Variants in XRCC1 observed in about 807,000 individuals in gnomAD.
XRCC1 encodes DNA repair protein XRCC1.
In XRCC1, 52 loss-of-function variants were observed where a neutral mutation model predicts 83.3. The ratio of observed to expected loss-of-function variants is 0.62; its 90% CI spans 0.50 to 0.79. The LOEUF (loss-of-function observed/expected upper bound fraction) is 0.79. Among genes scored for constraint, XRCC1 ranks in the 30% least tolerant of loss-of-function variants. The pLI is 0.00. For synonymous variants in XRCC1, 281 were observed against 312.6 expected (o/e 0.90, Z 1.07); for missense variants, 793 against 823.5 (o/e 0.96, Z 0.45).
chr19:43,563,267 G>A (rs568170110), intron 2 of XRCC1, among the ~76,000 whole-genome samples: 3 of 152,266 alleles, frequency 2.0e-5, no homozygotes, highest in East Asian at 1.9e-4. Context: ...CAGGTGAATC[G>A]CTTGAGGTCA....
At chr19:43,564,990 G>A (rs1051211760) in intron 2 of XRCC1, among the ~76,000 whole-genome samples, 1 of 151,956 alleles carries the variant, frequency 6.6e-6, no homozygotes, top group Non-Finnish European at 1.5e-5. Flanking sequence ...TCCCTTCCTC[G>A]TCTTCAAAGC....
intron 2 of XRCC1, among the ~76,000 whole-genome samples, chr19:43,570,852 G>A (rs1972801105): frequency 6.6e-6 from 1 of 152,184 alleles, no homozygotes; most frequent in African/African-American, 2.4e-5. Flanking sequence ...GCCTTTATCA[G>A]TTACGTCAAA....
chr19:43,545,121 G>C (rs1193187625), intron 14 of XRCC1, among the ~76,000 whole-genome samples: 3 of 152,018 alleles, frequency 2.0e-5, no homozygotes, highest in African/African-American at 7.3e-5. Flanking sequence ...GCCACTTTAG[G>C]GGCTTGGGAG....
In XRCC1 at chr19:43,565,807, C is replaced by T. The variant is rs3213297; in HGVS notation, c.145-4787G>A. 2.0e-3 allele frequency among the ~76,000 whole-genome samples: 297 copies of T among 151,888 alleles called. 2 individuals are homozygous for T. Among genetic ancestry groups the T allele is most frequent in the African/African-American group, 6.5e-3 (270 of 41,382 alleles). On this transcript the variant is annotated intron_variant, in intron 2 of 16. Transcript: ENST00000262887. ...AAAAAGTTAGCTGGGTGTGGTGACACGCACCTCAATAATCCCAGCTACTCA... is the reference window on the plus strand; with the variant it reads ...AAAAAGTTAGCTGGGTGTGGTGACATGCACCTCAATAATCCCAGCTACTCA...
chr19:43,546,966 G>A lies in XRCC1; in HGVS notation c.1211C>T (p.Ala404Val), dbSNP rs949812377. The change falls in exon 11 of 17, where the codon GCA (alanine) becomes GTA (valine). Residue 404 changes from alanine to valine, a missense_variant. Coordinates refer to ENST00000262887, the MANE Select transcript of XRCC1 (RefSeq NM_006297.3). ...CTCCTCACTGCTGGAACCTGGCCCT[G>A]CCATGAGGTACCTAGGGGACAAATC... ...RRLPSQRYLM[A>V]GPGSSSEEDE... is the part of the protein sequence containing the mutation. 1.1e-5 allele frequency: 17 copies of A among 1,613,912 alleles called. No individual in the cohort carries two copies. Among genetic ancestry groups the A allele is most frequent in the Non-Finnish European group, 1.4e-5 (17 of 1,179,984 alleles).
rs138284081 is a variant in XRCC1, at chr19:43,554,699, C to T, written c.361G>A (p.Ala121Thr). ...FGPDKLVRAA[A>T]EKRWDRVKIV... ...TTGACCCGGTCCCAGCGCTTCTCGGCGGCTGCCCGGACCAGCTTGTCAGGC... is the reference window on the plus strand; with the variant it reads ...TTGACCCGGTCCCAGCGCTTCTCGGTGGCTGCCCGGACCAGCTTGTCAGGC... Residue 121 changes from alanine (A) to threonine (T), a missense_variant, in exon 4 of 17, where the codon GCC becomes ACC. Physicochemically the swap from Ala to Thr is moderately conservative, Grantham distance 58. Transcript: ENST00000262887. 1.4e-4 allele frequency: 226 copies of T among 1,613,940 alleles called. 2 individuals carry two copies. The African/African-American group carries it at 1.5e-3, about 11-fold the overall frequency.
At chr19:43,558,326 C>T (rs1023297304) in intron 3 of XRCC1, among the ~76,000 whole-genome samples, 1 of 92,502 alleles carries the variant, frequency 1.1e-5, no homozygotes, top group Admixed American at 1.4e-4. Flanking sequence ...CAAAGTGAGA[C>T]CTCGTTTCAA....
chr19:43,564,806 A>C lies in XRCC1; in HGVS notation c.145-3786T>G, dbSNP rs10404317. On this transcript the variant is annotated intron_variant, in intron 2 of 16. Coordinates refer to ENST00000262887, the MANE Select transcript of XRCC1 (RefSeq NM_006297.3). The stretch of plus-strand genomic sequence containing the variant: ...TCCGTCTCAAAAAAACAAAAAAAAA[A>C]CACACAAATTTAATATCTTACAGAT... Among the ~76,000 whole-genome samples the C allele has an allele frequency of 2.5e-3, 371 of 147,574 alleles. 3 individuals are homozygous for C. Among genetic ancestry groups the C allele is most frequent in the African/African-American group, 8.7e-3 (351 of 40,564 alleles).
At chr19:43,563,472 G>A (rs539753328) in intron 2 of XRCC1, among the ~76,000 whole-genome samples, 10 of 152,238 alleles carry the variant, frequency 6.6e-5, no homozygotes, top group Admixed American at 1.3e-4. Flanking sequence ...CAGCTTGGGC[G>A]ATGGAGTGAG....
Position 43,553,465 on chromosome 19 carries a change from ATCC to A in XRCC1, c.534_536del (p.Glu178del), listed in dbSNP as rs769717355. ...CCGGCCTCAGAGAGTTGGCGCTCTCATCCTCCTCCTTCACACGGAACTGGCCAA... is the reference window on the plus strand; with the variant it reads ...CCGGCCTCAGAGAGTTGGCGCTCTCATCCTCCTTCACACGGAACTGGCCAA... On this transcript the variant is annotated inframe_deletion, in exon 6 of 17. Coordinates refer to ENST00000262887, the MANE Select transcript of XRCC1 (RefSeq NM_006297.3). 4.3e-6 allele frequency: 7 copies of A among 1,614,044 alleles called. No homozygotes were observed. The highest frequency in any genetic ancestry group is 5.9e-6 in the Non-Finnish European group (7 of 1,180,026).
At chr19:43,573,323 C>G (rs964598058) in intron 2 of XRCC1, among the ~76,000 whole-genome samples, 1 of 152,114 alleles carries the variant, frequency 6.6e-6, no homozygotes, top group African/African-American at 2.4e-5. Context: ...TTAGCAGTAA[C>G]CTGGCAAATG....
At chr19:43,573,923 C>A (rs113261122) in intron 2 of XRCC1, among the ~76,000 whole-genome samples, 17 of 152,228 alleles carry the variant, frequency 1.1e-4, no homozygotes, top group African/African-American at 3.9e-4. Context: ...TGTATAACTT[C>A]TTTGGGCCTC....
At chr19:43,561,278 C>T (rs989069511) in intron 2 of XRCC1, among the ~76,000 whole-genome samples, 2 of 152,374 alleles carry the variant, frequency 1.3e-5, no homozygotes, top group East Asian at 1.9e-4. Flanking sequence ...CCTCTCCAGA[C>T]TCCACCAGGT....
chr19:43,571,096 G>A (rs377413514), intron 2 of XRCC1, among the ~76,000 whole-genome samples: 129 of 147,200 alleles, frequency 8.8e-4, no homozygotes, highest in Non-Finnish European at 1.4e-3. Flanking sequence ...GGAGCCCTCC[G>A]GTGGCTCCTA....
At chr19:43,546,534 A>G in intron 12 of XRCC1, 61 bp downstream of exon 12, 1 of 1,544,856 alleles carries the variant, frequency 6.5e-7, no homozygotes, top group South Asian at 1.2e-5. Context: ...CCCAGGCCGC[A>G]GGCCCTCCTC....
chr19:43,553,464 C>A lies in XRCC1; in HGVS notation c.538G>T (p.Glu180Ter). ...LGQFRVKEEDESANSLRPGAL... is the reference protein window; with the variant it reads ...LGQFRVKEED ...CCCGGCCTCAGAGAGTTGGCGCTCT[C>A]ATCCTCCTCCTTCACACGGAACTGG... Residue 180 changes from glutamate (E) to a stop codon, truncating the protein, a stop_gained, in exon 6 of 17, where the codon GAG becomes TAG. Coordinates refer to ENST00000262887, the MANE Select transcript of XRCC1 (RefSeq NM_006297.3). LOFTEE classifies it high-confidence loss of function. 1 of 1,614,178 alleles carries A rather than the reference C, an allele frequency of 6.2e-7. No homozygotes were observed.
At chr19:43,567,268 TAA>T (rs35436804) in intron 2 of XRCC1, among the ~76,000 whole-genome samples, 11,151 of 143,480 alleles carry the variant, frequency 0.078, 582 homozygotes, top group East Asian at 0.29. Flanking sequence ...GTCAATATGC[TAA>T]AAAAAAAAAA....
At chr19:43,558,118 A>T (rs1425667472) in intron 3 of XRCC1, among the ~76,000 whole-genome samples, 1 of 152,160 alleles carries the variant, frequency 6.6e-6, no homozygotes. Context: ...TGCATAGACA[A>T]TCATGCCATC....
intron 14 of XRCC1, among the ~76,000 whole-genome samples, chr19:43,544,514 T>C (rs76093736): frequency 2.0e-5 from 3 of 147,142 alleles, no homozygotes; most frequent in Admixed American, 6.8e-5. Flanking sequence ...CTCTCTCTCT[T>C]TTTTTTTTTT....
Sources: allele counts gnomAD v4.1 joint callset (sites outside exome capture counted in the v4.1 genomes callset), GRCh38; gene constraint gnomAD v4.1.1; transcripts MANE v1.5; gene names NCBI Gene and HGNC (gene_info 2026-07-23, HGNC 2026-07-21).